IGF1R: variants seen among roughly 807,000 people sequenced by gnomAD.
IGF1R encodes the protein insulin like growth factor 1 receptor, also known as insulin-like growth factor 1 receptor.
Under a neutral mutation model 144.6 loss-of-function variants are expected in IGF1R, and 44 were observed. The ratio of observed to expected loss-of-function variants is 0.30; its 90% CI spans 0.24 to 0.39. The LOEUF is 0.39. Ranked by LOEUF, IGF1R falls within the 10% of genes least tolerant of loss-of-function variation. The pLI is 1.00. For synonymous variants in IGF1R, 795 were observed against 722.8 expected, an observed-to-expected ratio of 1.10 and a Z score of -1.60; for missense variants, 1,355 against 1,833.7, an observed-to-expected ratio of 0.74 and a Z score of 4.77.
At chr15:98,699,245 C>T (rs889193694) in intron 1 of IGF1R, among the ~76,000 whole-genome samples, 2 of 152,080 alleles carry the variant, frequency 1.3e-5, no homozygotes, top group Non-Finnish European at 2.9e-5. Flanking sequence ...ACAGTGGGTG[C>T]TAGGTGGTAG....
chr15:98,812,168 T>C (rs916056664), intron 2 of IGF1R, among the ~76,000 whole-genome samples: 17 of 152,140 alleles, frequency 1.1e-4, no homozygotes, highest in Non-Finnish European at 1.0e-4. Flanking sequence ...CAGGACCGTT[T>C]AGCACCCTAA....
chr15:98,721,403 T>TGG (rs1339709353), intron 2 of IGF1R, among the ~76,000 whole-genome samples: 1 of 152,238 alleles, frequency 6.6e-6, no homozygotes, highest in Non-Finnish European at 1.5e-5. Context: ...TCACAGCTAA[T>TGG]GGGAAGCCCG....
intron 3 of IGF1R, among the ~76,000 whole-genome samples, chr15:98,895,570 G>A (rs1473227198): frequency 6.6e-6 from 1 of 152,144 alleles, no homozygotes; most frequent in Non-Finnish European, 1.5e-5. Context: ...CTGTGGGTGG[G>A]TCCAGTTCCT....
chr15:98,787,332 C>T (rs1023154531), intron 2 of IGF1R, among the ~76,000 whole-genome samples: 4 of 152,208 alleles, frequency 2.6e-5, no homozygotes, highest in African/African-American at 9.6e-5. Context: ...ATAGCACTCT[C>T]AGATAAAACA....
chr15:98,838,535 C>T (rs1442266897), intron 2 of IGF1R, among the ~76,000 whole-genome samples: 1 of 152,182 alleles, frequency 6.6e-6, no homozygotes, highest in Admixed American at 6.5e-5. Context: ...CAGGAAGGCT[C>T]CTCTTTGAAG....
chr15:98,899,650 G>A (rs770978473), intron 5 of IGF1R, 29 bp downstream of exon 5: 6 of 1,609,774 alleles, frequency 3.7e-6, no homozygotes, highest in East Asian at 4.5e-5. Context: ...ATGAGCTGAC[G>A]TTCTATTACA....
intron 1 of IGF1R, among the ~76,000 whole-genome samples, chr15:98,665,151 C>G (rs1276531279): frequency 6.6e-6 from 1 of 152,078 alleles, no homozygotes; most frequent in Non-Finnish European, 1.5e-5. Flanking sequence ...TGGGGTTTCA[C>G]CGTGTTAGCC....
At chr15:98,715,568 G>A (rs1469685887) in intron 2 of IGF1R, among the ~76,000 whole-genome samples, 1 of 152,216 alleles carries the variant, frequency 6.6e-6, no homozygotes, top group East Asian at 1.9e-4. Flanking sequence ...GTATGCCAGT[G>A]TGACATTCTC....
At chr15:98,952,749 TC>T (rs1350823232) in intron 20 of IGF1R, 1 of 152,208 alleles carries the variant, frequency 6.6e-6, no homozygotes, top group Non-Finnish European at 1.5e-5. Context: ...GCAGGGCACT[TC>T]CTGTTCTCAG....
chr15:98,758,886 C>G (rs934692928), intron 2 of IGF1R, among the ~76,000 whole-genome samples: 3 of 152,192 alleles, frequency 2.0e-5, no homozygotes, highest in African/African-American at 7.2e-5. Flanking sequence ...TTTTTCTTTG[C>G]TGTATTGTGA....
intron 1 of IGF1R, among the ~76,000 whole-genome samples, chr15:98,680,765 T>A (rs943936797): frequency 6.6e-6 from 1 of 152,196 alleles, no homozygotes; most frequent in African/African-American, 2.4e-5. Flanking sequence ...AGAAATGGAA[T>A]CTCACTATGT....
intron 1 of IGF1R, among the ~76,000 whole-genome samples, chr15:98,674,119 A>G (rs1248627494): frequency 2.2e-5 from 2 of 91,570 alleles, no homozygotes; most frequent in East Asian, 8.2e-4. Context: ...GCTTTTTGAG[A>G]GAGTGGGTTT....
chr15:98,912,372 G>A (rs527439394), intron 7 of IGF1R, among the ~76,000 whole-genome samples: 44 of 152,320 alleles, frequency 2.9e-4, no homozygotes, highest in East Asian at 9.6e-4. Context: ...GACAGCAGAC[G>A]GTGTTTTGTT....
chr15:98,769,131 ATGTATTTCTTTCAGTGC>A (rs1231427843), intron 2 of IGF1R, among the ~76,000 whole-genome samples: 137 of 152,364 alleles, frequency 9.0e-4, no homozygotes, highest in African/African-American at 3.2e-3. Context: ...GTGTATAAAT[ATGTATTTCTTTCAGTGC>A]TTGAACATTT....
chr15:98,746,769 A>G (rs2054876718), intron 2 of IGF1R, among the ~76,000 whole-genome samples: 1 of 151,908 alleles, frequency 6.6e-6, no homozygotes, highest in Admixed American at 6.6e-5. Context: ...TTTGCCTTTT[A>G]ATTTGAGAGT....
At chr15:98,658,423 C>T (rs2052532645) in intron 1 of IGF1R, among the ~76,000 whole-genome samples, 1 of 152,156 alleles carries the variant, frequency 6.6e-6, no homozygotes, top group Non-Finnish European at 1.5e-5. Context: ...TTGGGGGAGA[C>T]ATTTCTCCTT....
chr15:98,806,925 C>T (rs568317972), intron 2 of IGF1R, among the ~76,000 whole-genome samples: 1 of 152,102 alleles, frequency 6.6e-6, no homozygotes, highest in East Asian at 1.9e-4. Context: ...CGTTGGGAGG[C>T]CGAGGTGGAT....
At chr15:98,927,637 G>A (rs2015772524) in intron 13 of IGF1R, among the ~76,000 whole-genome samples, 1 of 152,144 alleles carries the variant, frequency 6.6e-6, no homozygotes, top group African/African-American at 2.4e-5. Context: ...GCTTTCCGTT[G>A]GTAATGATCA....
At chr15:98,864,301 G>T (rs1206008449) in intron 2 of IGF1R, among the ~76,000 whole-genome samples, 6 of 152,154 alleles carry the variant, frequency 3.9e-5, no homozygotes, top group Non-Finnish European at 5.9e-5. Flanking sequence ...GTTGGAGGAG[G>T]CCCCCTATTT....
Sources: allele counts gnomAD v4.1 joint callset (sites outside exome capture counted in the v4.1 genomes callset), GRCh38; gene constraint gnomAD v4.1.1; transcripts MANE v1.5; gene names NCBI Gene and HGNC (gene_info 2026-07-23, HGNC 2026-07-21).